Variants in NXPE2 observed in about 807,000 individuals in gnomAD.
The protein encoded by NXPE2 is NXPE family member 2.
NXPE2 carries 34 observed loss-of-function variants against 34.4 expected under a neutral mutation model. That is an observed-to-expected ratio of 0.99 (90% CI 0.75 to 1.31). The LOEUF (loss-of-function observed/expected upper bound fraction) is 1.31. Ranked by LOEUF, NXPE2 falls within the 40% of genes most tolerant of loss-of-function variation. The pLI, the probability that NXPE2 is intolerant of heterozygous loss-of-function variation, is 0.00. For synonymous variants in NXPE2, 235 were observed against 231.3 expected (o/e 1.02, Z -0.15); for missense variants, 649 against 672.5 (o/e 0.97, Z 0.39).
chr11:114,734,924 T>C, the NXPE2 span, among the ~76,000 whole-genome samples: 501 of 152,230 alleles, frequency 3.3e-3, 1 homozygote, highest in Admixed American at 8.6e-3. Flanking sequence ...CTGACTAACA[T>C]GGTGAAACCC....
chr11:114,639,788 ATATAT>A, the NXPE2 span, among the ~76,000 whole-genome samples: 1 of 126,174 alleles, frequency 7.9e-6, no homozygotes, highest in East Asian at 2.2e-4. Context: ...AAAATATAAT[ATATAT>A]TATATTAAAT....
At chr11:114,754,129 T>G in the NXPE2 span, among the ~76,000 whole-genome samples, 1 of 152,228 alleles carries the variant, frequency 6.6e-6, no homozygotes, top group Non-Finnish European at 1.5e-5. Flanking sequence ...GAGAAAATAC[T>G]ATAATGATTA....
chr11:114,778,348 C>G, the NXPE2 span, among the ~76,000 whole-genome samples: 1 of 152,128 alleles, frequency 6.6e-6, no homozygotes, highest in Non-Finnish European at 1.5e-5. Context: ...GCTAAGGAAT[C>G]TTTAAGTTTT....
chr11:114,501,622 C>G, the NXPE2 span, among the ~76,000 whole-genome samples: 1 of 152,124 alleles, frequency 6.6e-6, no homozygotes, highest in African/African-American at 2.4e-5. Flanking sequence ...ATGGAGGAAT[C>G]TTTGGGACTA....
chr11:114,804,622 T>C, the NXPE2 span, among the ~76,000 whole-genome samples: 3 of 152,216 alleles, frequency 2.0e-5, no homozygotes, highest in Non-Finnish European at 2.9e-5. Context: ...CTTAAAATGA[T>C]TGGTCTTAGA....
the NXPE2 span, among the ~76,000 whole-genome samples, chr11:114,794,033 A>C: frequency 1.3e-5 from 2 of 152,152 alleles, no homozygotes; most frequent in Non-Finnish European, 2.9e-5. Flanking sequence ...TTGCTCTGAG[A>C]TACCTGCCTG....
At chr11:114,539,751 G>A in the NXPE2 span, among the ~76,000 whole-genome samples, 2 of 151,996 alleles carry the variant, frequency 1.3e-5, no homozygotes, top group Admixed American at 6.6e-5. Context: ...AAATATAATT[G>A]TAAAGTGCAA....
Position 114,680,937 on chromosome 11 carries a change from C to T in NXPE2, c.132+1175C>T, listed in dbSNP as rs146460839. On this transcript the variant is annotated intron_variant, in intron 2 of 5. Coordinates refer to ENST00000389586, the MANE Select transcript of NXPE2 (RefSeq NM_182495.6). ...CCAAATTTATCATCTGTCTCACCAT[C>T]ATCCCCTAACAAAAACAAAACAAGC... Among the ~76,000 whole-genome samples the T allele has an allele frequency of 2.6e-5, 4 of 152,264 alleles. No individual in the cohort carries two copies. In the East Asian group the frequency reaches 7.7e-4, roughly 29 times the overall value.
chr11:114,730,444 G>C, the NXPE2 span, among the ~76,000 whole-genome samples: 1 of 152,086 alleles, frequency 6.6e-6, no homozygotes, highest in Admixed American at 6.5e-5. Context: ...GAAAAATGAT[G>C]TTGGTACTTT....
At chr11:114,691,743 T>G (rs1591434809) in intron 2 of NXPE2, among the ~76,000 whole-genome samples, 1 of 152,316 alleles carries the variant, frequency 6.6e-6, no homozygotes, top group Middle Eastern at 3.4e-3. Flanking sequence ...ATGCTTGCAT[T>G]TTCTTTGACC....
the NXPE2 span, among the ~76,000 whole-genome samples, chr11:114,651,353 TG>T: frequency 2.2e-3 from 335 of 151,954 alleles, 3 homozygotes; most frequent in Admixed American, 0.021. Context: ...CGTCCGGAGT[TG>T]TTTGTTCCTC....
upstream of NXPE2, among the ~76,000 whole-genome samples, chr11:114,677,319 T>C (rs78169062): frequency 0.092 from 14,020 of 152,142 alleles, 764 homozygotes; most frequent in Middle Eastern, 0.2. Flanking sequence ...GATGGATATG[T>C]TAATTAGCTT....
At chr11:114,810,161 C>T in the NXPE2 span, among the ~76,000 whole-genome samples, 2 of 144,430 alleles carry the variant, frequency 1.4e-5, no homozygotes, top group South Asian at 4.6e-4. Context: ...AAACTGGATC[C>T]CTTCCTTACA....
chr11:114,493,113 G>A, the NXPE2 span, among the ~76,000 whole-genome samples: 1 of 151,924 alleles, frequency 6.6e-6, no homozygotes, highest in Non-Finnish European at 1.5e-5. Context: ...TTTGATATAA[G>A]TATAGCTACT....
the NXPE2 span, among the ~76,000 whole-genome samples, chr11:114,727,966 G>A: frequency 6.6e-6 from 1 of 152,016 alleles, no homozygotes. Flanking sequence ...AGTCCATAAG[G>A]ATAAAGTCAA....
chr11:114,687,777 T>C (rs1951075715), intron 2 of NXPE2, among the ~76,000 whole-genome samples: 1 of 152,056 alleles, frequency 6.6e-6, no homozygotes. Flanking sequence ...ATCTTTCTCC[T>C]CAACGTTTTG....
At chr11:114,665,948 C>T in the NXPE2 span, among the ~76,000 whole-genome samples, 1 of 152,110 alleles carries the variant, frequency 6.6e-6, no homozygotes, top group Non-Finnish European at 1.5e-5. Context: ...TCTTGTTTTA[C>T]AAGTGAGGAG....
the NXPE2 span, among the ~76,000 whole-genome samples, chr11:114,797,751 T>TTTA: frequency 6.6e-6 from 1 of 152,222 alleles, no homozygotes; most frequent in Non-Finnish European, 1.5e-5. Context: ...TTCCAGCAAC[T>TTTA]TTATTAGATG....
chr11:114,712,892 G>A, the NXPE2 span, among the ~76,000 whole-genome samples: 2 of 152,160 alleles, frequency 1.3e-5, no homozygotes, highest in Non-Finnish European at 2.9e-5. Context: ...TCCATCAACA[G>A]GTGAATAGAT....
Sources: gnomAD v4.1 joint callset for allele counts (sites outside exome capture counted in the v4.1 genomes callset) on GRCh38, gnomAD v4.1.1 for gene constraint, MANE v1.5 for transcripts, NCBI Gene and HGNC (gene_info 2026-07-23, HGNC 2026-07-21) for gene names.